Variants in GAS2 observed in about 807,000 individuals in gnomAD.
GAS2 encodes growth arrest-specific protein 2.
GAS2 carries 20 observed loss-of-function variants against 37.5 expected under a neutral mutation model. The ratio of observed to expected loss-of-function variants is 0.53; its 90% CI spans 0.37 to 0.77. The LOEUF (loss-of-function observed/expected upper bound fraction) is 0.77, where lower values mean the gene tolerates loss of function less well. GAS2 is among the 30% of genes least tolerant of loss of function. The pLI, the probability that GAS2 is intolerant of heterozygous loss-of-function variation, is 0.00. For synonymous variants in GAS2, 144 were observed against 132.2 expected, an observed-to-expected ratio of 1.09 and a Z score of -0.61; for missense variants, 336 against 373.4, an observed-to-expected ratio of 0.90 and a Z score of 0.82.
At chr11:22,646,780 C>A (rs945772269) in intron 1 of GAS2, among the ~76,000 whole-genome samples, 1 of 152,234 alleles carries the variant, frequency 6.6e-6, no homozygotes, top group East Asian at 1.9e-4. Flanking sequence ...GTGGTATTGA[C>A]ACACAGCTTG....
chr11:22,672,966 T>G (rs1017473082), intron 1 of GAS2, among the ~76,000 whole-genome samples: 1 of 152,166 alleles, frequency 6.6e-6, no homozygotes, highest in African/African-American at 2.4e-5. Flanking sequence ...GACAATCTAA[T>G]AATGTATGAC....
At chr11:22,635,845 T>C (rs1204579483) in intron 1 of GAS2, among the ~76,000 whole-genome samples, 2 of 152,336 alleles carry the variant, frequency 1.3e-5, no homozygotes, top group African/African-American at 4.8e-5. Flanking sequence ...ATATACTCTT[T>C]ACCACTCACT....
chr11:22,779,713 C>CA (rs11292924), intron 7 of GAS2, among the ~76,000 whole-genome samples: 100 of 149,728 alleles, frequency 6.7e-4, no homozygotes, highest in African/African-American at 2.2e-3. Flanking sequence ...AAACAAAAAA[C>CA]AAAAAAAAAA....
chr11:22,698,158 T>C (rs1291463586), intron 3 of GAS2, among the ~76,000 whole-genome samples: 1 of 152,058 alleles, frequency 6.6e-6, no homozygotes, highest in Non-Finnish European at 1.5e-5. Context: ...AAGAATCAAA[T>C]AGATGCAATA....
chr11:22,754,988 T>C (rs1341545696), intron 6 of GAS2, among the ~76,000 whole-genome samples: 1 of 152,110 alleles, frequency 6.6e-6, no homozygotes, highest in Non-Finnish European at 1.5e-5. Context: ...TTTTGGGTTG[T>C]TTGGTTGGTT....
chr11:22,737,783 T>G lies in GAS2; in HGVS notation c.473+15T>G. ...ATTGCAGCCAGGTAGGTCAAACCAC[T>G]GCAACTATGTCAAGACATTGACGAT... On this transcript the variant is annotated intron_variant, in intron 5 of 7. Transcript: ENST00000454584. The G allele has an allele frequency of 6.2e-7, 1 of 1,611,734 alleles. No homozygotes were observed. Among genetic ancestry groups the G allele is most frequent in the Non-Finnish European group, 8.5e-7 (1 of 1,177,798 alleles).
intron 3 of GAS2, among the ~76,000 whole-genome samples, chr11:22,720,777 A>C (rs1427858559): frequency 6.6e-6 from 1 of 152,056 alleles, no homozygotes; most frequent in African/African-American, 2.4e-5. Flanking sequence ...TATGACTCAA[A>C]CTTTTGTGAA....
At chr11:22,653,333 C>G (rs948281009) in intron 1 of GAS2, among the ~76,000 whole-genome samples, 2 of 152,100 alleles carry the variant, frequency 1.3e-5, no homozygotes, top group African/African-American at 2.4e-5. Context: ...AGTTACTTAA[C>G]TTTTTATTAG....
At chr11:22,774,365 C>T (rs1189218621) in intron 7 of GAS2, among the ~76,000 whole-genome samples, 1 of 152,160 alleles carries the variant, frequency 6.6e-6, no homozygotes, top group African/African-American at 2.4e-5. Flanking sequence ...TAAAATAACC[C>T]AGAGCTCTCT....
chr11:22,789,423 G>GATATATATAA (rs1491294585), intron 7 of GAS2, among the ~76,000 whole-genome samples: 14 of 71,158 alleles, frequency 2.0e-4, no homozygotes, highest in South Asian at 1.3e-3. Flanking sequence ...TATCTCATAT[G>GATATATATAA]AGATATATAT....
At chr11:22,773,701 A>G (rs931476253) in intron 7 of GAS2, among the ~76,000 whole-genome samples, 2 of 152,054 alleles carry the variant, frequency 1.3e-5, no homozygotes, top group Non-Finnish European at 2.9e-5. Context: ...TTGCTATGAA[A>G]TGTTTTCTCT....
At chr11:22,811,025 T>C in intron 7 of GAS2, among the ~76,000 whole-genome samples, 1 of 152,248 alleles carries the variant, frequency 6.6e-6, no homozygotes, top group East Asian at 1.9e-4. Flanking sequence ...TTAAATTTTC[T>C]GATATTTGCA....
At chr11:22,653,738 G>A (rs1380567942) in intron 1 of GAS2, among the ~76,000 whole-genome samples, 2 of 152,210 alleles carry the variant, frequency 1.3e-5, no homozygotes, top group East Asian at 3.8e-4. Context: ...AATAGGTGTG[G>A]CAGTTTTAAA....
chr11:22,772,549 T>G (rs1435925865), intron 7 of GAS2, among the ~76,000 whole-genome samples: 1 of 152,202 alleles, frequency 6.6e-6, no homozygotes, highest in African/African-American at 2.4e-5. Context: ...AATAAATTTT[T>G]TTTAAAAATC....
chr11:22,707,233 G>C (rs1851172380), intron 3 of GAS2, among the ~76,000 whole-genome samples: 1 of 151,772 alleles, frequency 6.6e-6, no homozygotes, highest in Non-Finnish European at 1.5e-5. Flanking sequence ...CGGAAGAGTA[G>C]GATTGGGGAA....
chr11:22,680,357 C>T (rs1849619944), intron 2 of GAS2, among the ~76,000 whole-genome samples: 1 of 152,060 alleles, frequency 6.6e-6, no homozygotes, highest in Non-Finnish European at 1.5e-5. Context: ...ACTTGAAAAT[C>T]AGTGTGAAGC....
chr11:22,734,919 A>G (rs1852670508), intron 4 of GAS2, among the ~76,000 whole-genome samples: 1 of 151,876 alleles, frequency 6.6e-6, no homozygotes, highest in South Asian at 2.1e-4. Flanking sequence ...TAATATAGAT[A>G]CTACATACAG....
intron 1 of GAS2, among the ~76,000 whole-genome samples, chr11:22,627,798 GA>G (rs535864099): frequency 1.2e-4 from 18 of 148,928 alleles, no homozygotes; most frequent in Non-Finnish European, 6.0e-5. Context: ...AAGGAAAATG[GA>G]AAAAAAAAGG....
intron 3 of GAS2, among the ~76,000 whole-genome samples, chr11:22,696,111 G>A (rs1850499510): frequency 1.1e-5 from 1 of 89,918 alleles, no homozygotes. Context: ...CTCCACAACA[G>A]TCCCCAGAGT....
Sources: gnomAD v4.1 joint callset for allele counts (sites outside exome capture counted in the v4.1 genomes callset) on GRCh38, gnomAD v4.1.1 for gene constraint, MANE v1.5 for transcripts, NCBI Gene and HGNC (gene_info 2026-07-23, HGNC 2026-07-21) for gene names.